The following HDAC9 variants were observed in gnomAD, a reference collection of about 807,000 sequenced individuals.
HDAC9 encodes histone deacetylase 9.
Under a neutral mutation model 139.4 loss-of-function variants are expected in HDAC9, and 41 were observed. The ratio of observed to expected loss-of-function variants is 0.29; its 90% CI spans 0.23 to 0.38. The LOEUF (loss-of-function observed/expected upper bound fraction) is 0.38. Among genes scored for constraint, HDAC9 ranks in the 10% least tolerant of loss-of-function variants. The pLI, the probability that HDAC9 is intolerant of heterozygous loss-of-function variation, is 1.00. For missense variants in HDAC9, 1,147 were observed against 1,297.0 expected, an observed-to-expected ratio of 0.88 and a Z score of 1.78; for synonymous variants, 517 against 476.2, an observed-to-expected ratio of 1.09 and a Z score of -1.12.
Position 18,685,891 on chromosome 7 carries a change from G to C in HDAC9, c.1731+19415G>C, listed in dbSNP as rs183562047. 3.6e-3 allele frequency among the ~76,000 whole-genome samples: 547 copies of C among 151,938 alleles called. 1 individual carries two copies. The highest frequency in any genetic ancestry group is 6.8e-3 in the Middle Eastern group (2 of 294). ...GAATGGCAAAATTTTATTGTTGGTA[G>C]GAATGTTAGATAATGACAACAATAA... On this transcript the variant is annotated intron_variant, in intron 12 of 25. Coordinates refer to ENST00000686413, the MANE Select transcript of HDAC9 (RefSeq NM_178425.4).
chr7:18,565,714 A>C (rs1432377779), intron 2 of HDAC9, among the ~76,000 whole-genome samples: 2 of 152,224 alleles, frequency 1.3e-5, no homozygotes, highest in East Asian at 3.8e-4. Flanking sequence ...AATGCACTGA[A>C]ATAATAAAAG....
intron 25 of HDAC9, among the ~76,000 whole-genome samples, chr7:18,990,370 G>A (rs544695881): frequency 6.6e-6 from 1 of 152,168 alleles, no homozygotes; most frequent in South Asian, 2.1e-4. Context: ...GTGGGTCAGG[G>A]GTCAGGGACC....
intron 1 of HDAC9, among the ~76,000 whole-genome samples, chr7:18,421,476 AAAAAT>A (rs1357263802): frequency 6.6e-6 from 1 of 152,020 alleles, no homozygotes; most frequent in Non-Finnish European, 1.5e-5. Context: ...GAAAGAATGA[AAAAAT>A]GAAAAGAAAG....
At chr7:18,930,534 C>A (rs1255458801) in intron 22 of HDAC9, among the ~76,000 whole-genome samples, 2 of 152,016 alleles carry the variant, frequency 1.3e-5, no homozygotes, top group Non-Finnish European at 2.9e-5. Context: ...ATACCTTCAC[C>A]TGGGTAGCCA....
chr7:18,630,346 T>C (rs1781961167), intron 7 of HDAC9, among the ~76,000 whole-genome samples: 1 of 152,004 alleles, frequency 6.6e-6, no homozygotes, highest in African/African-American at 2.4e-5. Flanking sequence ...GGGCAGTTGG[T>C]ATTAGTTCTC....
chr7:18,472,758 G>C (rs973715464), intron 1 of HDAC9, among the ~76,000 whole-genome samples: 1 of 151,988 alleles, frequency 6.6e-6, no homozygotes, highest in African/African-American at 2.4e-5. Flanking sequence ...CCCTTACCCT[G>C]TTTTATTTTA....
intron 25 of HDAC9, among the ~76,000 whole-genome samples, chr7:18,980,587 A>G (rs181641466): frequency 1.3e-5 from 2 of 152,326 alleles, no homozygotes; most frequent in East Asian, 3.9e-4. Context: ...AATACTTGAT[A>G]AAACTTGATA....
chr7:18,884,681 A>G (rs1433522560), intron 22 of HDAC9, among the ~76,000 whole-genome samples: 1 of 152,194 alleles, frequency 6.6e-6, no homozygotes, highest in Non-Finnish European at 1.5e-5. Context: ...CTCCCTCTGC[A>G]TGTGTGTTAA....
intron 12 of HDAC9, among the ~76,000 whole-genome samples, chr7:18,714,768 G>C (rs1337199178): frequency 6.6e-6 from 1 of 152,136 alleles, no homozygotes; most frequent in Non-Finnish European, 1.5e-5. Flanking sequence ...AATTATTTGT[G>C]TGGAACTGGG....
chr7:18,653,251 A>AG (rs1235069390), intron 11 of HDAC9, among the ~76,000 whole-genome samples: 2 of 151,856 alleles, frequency 1.3e-5, no homozygotes, highest in African/African-American at 4.8e-5. Context: ...AAAAAAAAAA[A>AG]AAAAAACCAG....
At chr7:18,759,404 T>C (rs926964919) in intron 14 of HDAC9, among the ~76,000 whole-genome samples, 28 of 151,908 alleles carry the variant, frequency 1.8e-4, no homozygotes, top group African/African-American at 6.3e-4. Context: ...GCTAACCCTA[T>C]TGTGAACTGC....
intron 21 of HDAC9, among the ~76,000 whole-genome samples, chr7:18,869,241 A>T (rs1347256940): frequency 6.7e-6 from 1 of 150,300 alleles, no homozygotes; most frequent in African/African-American, 2.5e-5. Flanking sequence ...TCTGTGTCCC[A>T]CCAAATCTCA....
In HDAC9 at chr7:18,383,888, C is replaced by T. The variant is rs575108411; in HGVS notation, c.-42+93373C>T. 1.0e-3 allele frequency among the ~76,000 whole-genome samples: 153 copies of T among 149,250 alleles called. 1 individual carries two copies. Among genetic ancestry groups the T allele is most frequent in the African/African-American group, 3.6e-3 (145 of 40,684 alleles). On this transcript the variant is annotated intron_variant, in intron 1 of 3. Transcript: ENST00000413509. ...TGGGTGACAGAGCGAGACTCTGACTCCGTCTCAAAAAAAAAAAAAAAGAAA... is the reference window on the plus strand; with the variant it reads ...TGGGTGACAGAGCGAGACTCTGACTTCGTCTCAAAAAAAAAAAAAAAGAAA...
intron 6 of HDAC9, among the ~76,000 whole-genome samples, chr7:18,623,133 G>C (rs1317738103): frequency 3.6e-5 from 5 of 137,126 alleles, no homozygotes; most frequent in Non-Finnish European, 7.9e-5. Context: ...GACAGAGTGA[G>C]ACCCGGTCTC....
intron 1 of HDAC9, among the ~76,000 whole-genome samples, chr7:18,307,098 TGTGTGTGTGTGTG>T (rs1180965295): frequency 1.6e-4 from 1 of 6,168 alleles, no homozygotes; most frequent in Non-Finnish European, 2.6e-4. Flanking sequence ...GGGCAGTTCT[TGTGTGTGTGTGTG>T]TGTGTGTGTG....
intron 21 of HDAC9, among the ~76,000 whole-genome samples, chr7:18,845,971 C>T (rs936897237): frequency 6.6e-6 from 1 of 152,026 alleles, no homozygotes; most frequent in African/African-American, 2.4e-5. Flanking sequence ...GCAGTGAAGC[C>T]CCTGTGTCAC....
intron 22 of HDAC9, among the ~76,000 whole-genome samples, chr7:18,878,324 TG>T (rs1799476428): frequency 6.6e-6 from 1 of 152,202 alleles, no homozygotes; most frequent in South Asian, 2.1e-4. Flanking sequence ...AAATTGCTTT[TG>T]TCATGTGAAC....
At position 18,626,501 on chromosome 7, in the gene HDAC9, A is replaced by G. The variant is rs566252467; in HGVS notation, c.665-2849A>G. On this transcript the variant is annotated intron_variant, in intron 6 of 25. Transcript: ENST00000686413. ...TTTTAACATGAGAAATCGAGGTTTA[A>G]TGATATAAAGTAATTCATCCAGGCA... Among the ~76,000 whole-genome samples the G allele has an allele frequency of 3.9e-5, 6 of 152,306 alleles. No individual in the cohort carries two copies. The East Asian group carries it at 1.2e-3, about 29-fold the overall frequency.
In HDAC9 at chr7:18,322,762, G is replaced by A. The variant is rs150631982; in HGVS notation, c.-42+32247G>A. Among the ~76,000 whole-genome samples the A allele has an allele frequency of 2.4e-4, 36 of 152,228 alleles. No individual in the cohort carries two copies. The East Asian group carries it at 3.9e-3, about 16-fold the overall frequency. On this transcript the variant is annotated intron_variant, in intron 1 of 3. Transcript: ENST00000413509. ...GAGAACAGGATTGAAGGCAAAGTGT[G>A]GGGTCACTGTAGGAGAGAGAAAAAT...
Sources: allele counts gnomAD v4.1 joint callset (sites outside exome capture counted in the v4.1 genomes callset), GRCh38; gene constraint gnomAD v4.1.1; transcripts MANE v1.5; gene names NCBI Gene and HGNC (gene_info 2026-07-23, HGNC 2026-07-21).